The following FHDC1 variants were observed in gnomAD, a reference collection of about 807,000 sequenced individuals.
The protein encoded by FHDC1 is FH2 domain-containing protein 1.
In FHDC1, 25 loss-of-function variants were observed where a neutral mutation model predicts 52.6. The ratio of observed to expected loss-of-function variants is 0.48; its 90% confidence interval spans 0.35 to 0.66. The LOEUF is 0.66. Among genes scored for constraint, FHDC1 ranks in the 30% least tolerant of loss-of-function variants. The probability of loss-of-function intolerance (pLI) is 0.01; values close to 1 mark genes in which losing one functional copy is unlikely to be tolerated. For missense variants in FHDC1, 1,459 were observed against 1,452.8 expected, an observed-to-expected ratio of 1.00 and a Z score of -0.07; for synonymous variants, 616 against 581.5, an observed-to-expected ratio of 1.06 and a Z score of -0.85.
At chr4:152,936,719 G>C (rs904966917) in intron 1 of FHDC1, among the ~76,000 whole-genome samples, 2 of 152,274 alleles carry the variant, frequency 1.3e-5, no homozygotes, top group African/African-American at 2.4e-5. Context: ...TCTGGAGAAC[G>C]AGCTGCATCG....
At chr4:152,954,571 C>T (rs1740026521) in intron 4 of FHDC1, among the ~76,000 whole-genome samples, 1 of 152,004 alleles carries the variant, frequency 6.6e-6, no homozygotes, top group South Asian at 2.1e-4. Context: ...CCTGTAATCC[C>T]AGCTACTCAG....
At chr4:152,928,816 G>A in the FHDC1 span, among the ~76,000 whole-genome samples, 16 of 152,010 alleles carry the variant, frequency 1.1e-4, no homozygotes, top group Admixed American at 3.3e-4. Context: ...AAAGCTTTCC[G>A]TATCCTTGGC....
chr4:152,948,328 C>T (rs908648860), intron 2 of FHDC1, among the ~76,000 whole-genome samples: 1 of 152,184 alleles, frequency 6.6e-6, no homozygotes, highest in African/African-American at 2.4e-5. Context: ...CTAAATAAGC[C>T]AGTCGCAAAG....
At chr4:152,935,714 G>C (rs1264748193), upstream of FHDC1, among the ~76,000 whole-genome samples, 5 of 152,208 alleles carry the variant, frequency 3.3e-5, no homozygotes, top group Non-Finnish European at 7.3e-5. Context: ...AGCGCAGCCA[G>C]GTTTCAGCTG....
At chr4:152,935,671 G>A (rs1277343952), upstream of FHDC1, among the ~76,000 whole-genome samples, 3 of 152,172 alleles carry the variant, frequency 2.0e-5, no homozygotes, top group Non-Finnish European at 4.4e-5. Context: ...AGCTTGGCAG[G>A]CCCCAGGGAG....
intron 2 of FHDC1, among the ~76,000 whole-genome samples, chr4:152,946,036 G>T (rs770960023): frequency 9.9e-5 from 15 of 152,108 alleles, no homozygotes; most frequent in Non-Finnish European, 1.8e-4. Flanking sequence ...TGTCCTCAAG[G>T]TTCATCCGTG....
At chr4:152,935,859 A>C (rs1459848780), upstream of FHDC1, among the ~76,000 whole-genome samples, 2 of 151,844 alleles carry the variant, frequency 1.3e-5, no homozygotes, top group Non-Finnish European at 2.9e-5. Flanking sequence ...GCGCGTGTAT[A>C]TAAGAGTGTG....
At chr4:152,951,553 T>G (rs1033187315) in intron 2 of FHDC1, among the ~76,000 whole-genome samples, 1 of 152,144 alleles carries the variant, frequency 6.6e-6, no homozygotes, top group Non-Finnish European at 1.5e-5. Context: ...GCAACCATAC[T>G]CTTGTAAAAA....
At chr4:152,957,119 A>G (rs1740111476) in intron 4 of FHDC1, among the ~76,000 whole-genome samples, 1 of 152,154 alleles carries the variant, frequency 6.6e-6, no homozygotes, top group Middle Eastern at 3.2e-3. Context: ...AGGGCCAAAT[A>G]AGAGAGGTTT....
intron 9 of FHDC1, 50 bp from the exon 10 acceptor site, chr4:152,967,930 A>G: frequency 7.3e-7 from 1 of 1,376,798 alleles, no homozygotes; most frequent in Non-Finnish European, 1.0e-6. Context: ...TACCTACATG[A>G]CACATGGCTT....
chr4:152,946,735 C>T (rs1273812163), intron 2 of FHDC1, among the ~76,000 whole-genome samples: 1 of 152,170 alleles, frequency 6.6e-6, no homozygotes, highest in African/African-American at 2.4e-5. Flanking sequence ...CTTGCCCAGG[C>T]ACAGATTATG....
Position 152,976,885 on chromosome 4 carries a change from A to G in FHDC1, c.*162A>G. On this transcript the variant is annotated 3_prime_UTR_variant, in exon 12 of 12. Transcript: ENST00000511601. The stretch of plus-strand genomic sequence containing the variant: ...ATGGCACAGTCCAGGAGGCCTGTGG[A>G]CTGCAGCCTGCTGTGCTGAGCCCTG... 3 of 887,568 alleles carry G rather than the reference A, an allele frequency of 3.4e-6. No individual in the cohort carries two copies. The highest frequency in any genetic ancestry group is 4.8e-6 in the Non-Finnish European group (3 of 622,030). The allele number at this position is 887,568 out of a possible 1,614,324, so 55.0% of individuals were successfully genotyped here.
At chr4:152,971,607 G>C (rs552527205) in intron 10 of FHDC1, among the ~76,000 whole-genome samples, 7 of 152,318 alleles carry the variant, frequency 4.6e-5, no homozygotes, top group Non-Finnish European at 1.0e-4. Context: ...ATGCACAGGG[G>C]CCTCAGAGAC....
At chr4:152,950,265 G>A (rs1739884121) in intron 2 of FHDC1, among the ~76,000 whole-genome samples, 1 of 152,178 alleles carries the variant, frequency 6.6e-6, no homozygotes, top group South Asian at 2.1e-4. Context: ...ATTTACATGT[G>A]CAGTGATAAC....
In FHDC1 at chr4:152,978,740, T is replaced by C. The variant is rs1740985353; in HGVS notation, c.*2017T>C. ...GATAGATGGATTTAGGCAAATATGA[T>C]GCGTTTGTGGGGAATCCACGTGGTT... On this transcript the variant is annotated 3_prime_UTR_variant, in exon 12 of 12. Transcript: ENST00000511601. 6.6e-6 allele frequency: 1 copy of C among 152,196 alleles called. No homozygotes were observed. The highest frequency in any genetic ancestry group is 2.1e-4 in the South Asian group (1 of 4,828). The allele number at this position is 152,196 out of a possible 1,614,324, so 9.4% of individuals were successfully genotyped here.
intron 11 of FHDC1, among the ~76,000 whole-genome samples, chr4:152,974,373 A>C (rs987338112): frequency 1.2e-4 from 16 of 135,586 alleles, no homozygotes; most frequent in African/African-American, 3.9e-4. Context: ...GAAAGCTGGA[A>C]GTTGGGCCCA....
intron 10 of FHDC1, among the ~76,000 whole-genome samples, chr4:152,970,844 C>T (rs1267492105): frequency 2.0e-5 from 3 of 152,044 alleles, no homozygotes; most frequent in Non-Finnish European, 4.4e-5. Context: ...TAATAGGTGG[C>T]GTCTTCACAG....
chr4:152,951,843 C>G (rs1242368281), intron 2 of FHDC1, among the ~76,000 whole-genome samples: 1 of 152,182 alleles, frequency 6.6e-6, no homozygotes, highest in Admixed American at 6.5e-5. Flanking sequence ...ACAGAAATGG[C>G]TTCTGTATTT....
intron 2 of FHDC1, among the ~76,000 whole-genome samples, chr4:152,949,784 G>GC (rs1322138198): frequency 2.0e-5 from 3 of 152,194 alleles, no homozygotes; most frequent in Non-Finnish European, 4.4e-5. Flanking sequence ...TAGAGCCCAG[G>GC]CCCCCTTCGC....
Sources: gnomAD v4.1 joint callset for allele counts (sites outside exome capture counted in the v4.1 genomes callset) on GRCh38, gnomAD v4.1.1 for gene constraint, MANE v1.5 for transcripts, NCBI Gene and HGNC (gene_info 2026-07-23, HGNC 2026-07-21) for gene names.